TRAPPC8: variants seen among roughly 807,000 people sequenced by gnomAD.
TRAPPC8 encodes the protein general sporulation gene 1 homolog.
Under a neutral mutation model 174.3 loss-of-function variants are expected in TRAPPC8, and 54 were observed. That is an observed-to-expected ratio of 0.31 (90% CI 0.25 to 0.39). TRAPPC8 has a LOEUF of 0.39. Ranked by LOEUF, TRAPPC8 falls within the 10% of genes least tolerant of loss-of-function variation. TRAPPC8 has a pLI of 1.00. For missense variants in TRAPPC8, 1,531 were observed against 1,699.1 expected, an observed-to-expected ratio of 0.90 and a Z score of 1.74; for synonymous variants, 630 against 579.9, an observed-to-expected ratio of 1.09 and a Z score of -1.24.
chr18:31,888,141 CAT>C (rs2035802164), intron 12 of TRAPPC8, among the ~76,000 whole-genome samples: 1 of 151,964 alleles, frequency 6.6e-6, no homozygotes, highest in South Asian at 2.1e-4. Flanking sequence ...AGCCAAAAAA[CAT>C]ATGAAAAAAA....
intron 1 of TRAPPC8, chr18:31,937,735 G>C (rs917722759): frequency 6.6e-6 from 1 of 151,804 alleles, no homozygotes; most frequent in South Asian, 2.1e-4. Context: ...ACAGAGTCTC[G>C]CTCTGTCACC....
At chr18:31,841,760 A>G (rs1436673662) in intron 26 of TRAPPC8, among the ~76,000 whole-genome samples, 1 of 152,208 alleles carries the variant, frequency 6.6e-6, no homozygotes, top group Admixed American at 6.5e-5. Flanking sequence ...ACTGATGTGA[A>G]CCAACACTTG....
At chr18:31,910,894 C>T (rs896537372) in intron 5 of TRAPPC8, among the ~76,000 whole-genome samples, 3 of 152,116 alleles carry the variant, frequency 2.0e-5, no homozygotes, top group African/African-American at 7.2e-5. Context: ...CAGTACTGTT[C>T]TTATTCTTAG....
intron 27 of TRAPPC8, among the ~76,000 whole-genome samples, chr18:31,836,694 C>G (rs1366858987): frequency 1.3e-4 from 20 of 151,780 alleles, no homozygotes; most frequent in Admixed American, 1.3e-3. Flanking sequence ...CAGATGCCAA[C>G]CCCTACTCTG....
intron 11 of TRAPPC8, among the ~76,000 whole-genome samples, chr18:31,894,796 A>C (rs568018192): frequency 2.8e-4 from 42 of 152,312 alleles, no homozygotes; most frequent in African/African-American, 9.1e-4. Flanking sequence ...CCATAAGACC[A>C]GTTACTCCTA....
chr18:31,908,991 A>G lies in TRAPPC8; in HGVS notation c.885T>C (p.Phe295=), dbSNP rs2036789719. The part of the protein sequence containing the change: ...NEVKDGLPNN[F]RAHPLQLEQS... ...GCTCCAACTGAAGTGGGTGAGCTCT[A>G]AAGTTATTTGGTAAGCCATCTACTG... Residue 295 remains phenylalanine (F), a synonymous_variant, in exon 7 of 29, where the codon TTT becomes TTC. Coordinates refer to ENST00000283351, the MANE Select transcript of TRAPPC8 (RefSeq NM_014939.5). 1.2e-6 allele frequency: 2 copies of G among 1,609,140 alleles called. No individual in the cohort carries two copies. The highest frequency in any genetic ancestry group is 8.5e-7 in the Non-Finnish European group (1 of 1,177,264).
rs530320129 is a variant in TRAPPC8, at chr18:31,836,983, T to C, written c.3983+2329A>G. Among the ~76,000 whole-genome samples the C allele has an allele frequency of 1.1e-3, 168 of 152,004 alleles. 1 individual carries two copies. The highest frequency in any genetic ancestry group is 3.5e-3 in the East Asian group (18 of 5,110). Reference sequence around the variant, plus strand: ...TTCACCGTGTTAGCCAGGATGGTCTTGATCTCCTGACCTCGTGATCCGCCC... The same window carrying C: ...TTCACCGTGTTAGCCAGGATGGTCTCGATCTCCTGACCTCGTGATCCGCCC... On this transcript the variant is annotated intron_variant, in intron 27 of 28. Transcript: ENST00000283351.
rs1307961528 is a variant in TRAPPC8, at chr18:31,943,001, G to T, written c.-237C>A. 4 of 804,986 alleles carry T rather than the reference G, an allele frequency of 5.0e-6. No homozygotes were observed. The African/African-American group carries it at 5.4e-5, about 11-fold the overall frequency. The allele number at this position is 804,986 out of a possible 1,614,324, so 49.9% of individuals were successfully genotyped here. ...TCTCAGCGCTCGTCCCCGCGTGCTC[G>T]CATTCCACCCCGATAGGTGGAGACG... On this transcript the variant is annotated 5_prime_UTR_variant, in exon 1 of 29. Coordinates refer to ENST00000283351, the MANE Select transcript of TRAPPC8 (RefSeq NM_014939.5).
rs2036583606 is a variant in TRAPPC8, at chr18:31,904,645, T to TA, written c.1389+2814_1389+2815insT. Reference sequence around the variant, plus strand: ...TCTATTTTAGAATGCCTCTGTATCCTCAGCACTCAGCAGTATCTGCTCTAA... The same window carrying TA: ...TCTATTTTAGAATGCCTCTGTATCCTACAGCACTCAGCAGTATCTGCTCTAA... On this transcript the variant is annotated intron_variant, in intron 9 of 28. Coordinates refer to ENST00000283351, the MANE Select transcript of TRAPPC8 (RefSeq NM_014939.5). Among the ~76,000 whole-genome samples, 9 of 152,218 alleles carry TA rather than the reference T, an allele frequency of 5.9e-5. No individual in the cohort carries two copies. The South Asian group carries it at 1.9e-3, about 32-fold the overall frequency.
intron 27 of TRAPPC8, 57 bp downstream of exon 27, chr18:31,839,252 AAAC>A: frequency 2.6e-6 from 4 of 1,516,388 alleles, no homozygotes; most frequent in Non-Finnish European, 3.6e-6. Context: ...AAAATAAAAG[AAAC>A]AAATACACGT....
rs1325324565 is a variant in TRAPPC8 at position 31,830,835 on chromosome 18, T to G, written c.4228A>C (p.Lys1410Gln). 2 of 1,614,068 alleles carry G rather than the reference T, an allele frequency of 1.2e-6. No homozygotes were observed. Among genetic ancestry groups the G allele is most frequent in the Non-Finnish European group, 1.7e-6 (2 of 1,180,044 alleles). ...YNLGTPRVFA[K>Q]LSDQVTVFET... ...AACACTGTAACTTGGTCCGATAACT[T>G]GGCAAATACCCTAGGAGTTCCAAGG... is the stretch of plus-strand genomic sequence containing the variant. The change falls in exon 29 of 29, where the codon AAG (lysine) becomes CAG (glutamine). Residue 1410 changes from lysine to glutamine, a missense_variant. Coordinates refer to ENST00000283351, the MANE Select transcript of TRAPPC8 (RefSeq NM_014939.5).
At chr18:31,899,555 A>C (rs543260653) in intron 10 of TRAPPC8, among the ~76,000 whole-genome samples, 1 of 152,326 alleles carries the variant, frequency 6.6e-6, no homozygotes, top group African/African-American at 2.4e-5. Flanking sequence ...AGTCGGATTA[A>C]TCTTTCCGAA....
intron 2 of TRAPPC8, 91 bp from the exon 3 acceptor site, chr18:31,917,758 TAA>T (rs142490752): frequency 2.5e-5 from 26 of 1,041,560 alleles, no homozygotes; most frequent in South Asian, 7.4e-5. Flanking sequence ...CTAAAAGGTA[TAA>T]AAAAAAAATT....
intron 25 of TRAPPC8, among the ~76,000 whole-genome samples, chr18:31,847,796 T>C (rs575485974): frequency 5.3e-5 from 8 of 152,256 alleles, no homozygotes; most frequent in African/African-American, 7.2e-5. Flanking sequence ...TGTTATGGCA[T>C]TGAGCGACAG....
chr18:31,881,436 C>A (rs2035447198), intron 12 of TRAPPC8, among the ~76,000 whole-genome samples: 1 of 152,048 alleles, frequency 6.6e-6, no homozygotes, highest in South Asian at 2.1e-4. Context: ...ACTGGGCTAA[C>A]CATATACAGA....
chr18:31,868,624 A>T (rs1004746186), intron 16 of TRAPPC8, among the ~76,000 whole-genome samples: 1 of 152,210 alleles, frequency 6.6e-6, no homozygotes, highest in African/African-American at 2.4e-5. Flanking sequence ...AATGAATATA[A>T]ATAATACAAA....
At chr18:31,884,854 G>GTTT (rs778327825) in intron 12 of TRAPPC8, among the ~76,000 whole-genome samples, 13 of 139,166 alleles carry the variant, frequency 9.3e-5, no homozygotes, top group Admixed American at 1.4e-4. Flanking sequence ...AAAAAATTAA[G>GTTT]TTTTTTTTTT....
At position 31,907,146 on chromosome 18, in the gene TRAPPC8, A is replaced by C. The variant is rs1356941094; in HGVS notation, c.1389+314T>G. Among the ~76,000 whole-genome samples, 13 of 152,082 alleles carry C rather than the reference A, an allele frequency of 8.5e-5. No homozygotes were observed. The East Asian group carries it at 1.9e-3, about 22-fold the overall frequency. ...TTTTGGGTTTTGTTTTTAAGAAATA[A>C]GTTTTTTCAATTTATTTTTAAAGAT... On this transcript the variant is annotated intron_variant, in intron 9 of 28. Transcript: ENST00000283351.
At chr18:31,906,448 A>C (rs964862145) in intron 9 of TRAPPC8, among the ~76,000 whole-genome samples, 8 of 152,168 alleles carry the variant, frequency 5.3e-5, no homozygotes, top group Admixed American at 1.3e-4. Flanking sequence ...ATAAATGCAA[A>C]ACAAATGCCA....
Sources: allele counts gnomAD v4.1 joint callset (sites outside exome capture counted in the v4.1 genomes callset), GRCh38; gene constraint gnomAD v4.1.1; transcripts MANE v1.5; gene names NCBI Gene and HGNC (gene_info 2026-07-23, HGNC 2026-07-21).